PI4KA: variants seen among roughly 807,000 people sequenced by gnomAD.
PI4KA encodes the protein PI4-kinase alpha.
PI4KA carries 122 observed loss-of-function variants against 271.4 expected under a neutral mutation model. The ratio of observed to expected loss-of-function variants is 0.45; its 90% CI spans 0.39 to 0.52. The LOEUF (loss-of-function observed/expected upper bound fraction) is 0.52. Ranked by LOEUF, PI4KA falls within the 20% of genes least tolerant of loss-of-function variation. The probability of loss-of-function intolerance (pLI) is 0.00; values close to 1 mark genes in which losing one functional copy is unlikely to be tolerated. For synonymous variants in PI4KA, 1,041 were observed against 1,078.8 expected, an observed-to-expected ratio of 0.96 and a Z score of 0.69; for missense variants, 1,969 against 2,769.1, an observed-to-expected ratio of 0.71 and a Z score of 6.48.
chr22:20,740,583 T>C (rs1929312793), intron 32 of PI4KA, among the ~76,000 whole-genome samples: 1 of 151,914 alleles, frequency 6.6e-6, no homozygotes, highest in Non-Finnish European at 1.5e-5. Context: ...ACAATGAAAT[T>C]CACACACAGT....
intron 3 of PI4KA, among the ~76,000 whole-genome samples, chr22:20,824,742 A>G (rs1339150696): frequency 7.5e-6 from 1 of 132,830 alleles, no homozygotes; most frequent in Non-Finnish European, 1.7e-5. Context: ...TCACACACAC[A>G]CACACACACA....
At chr22:20,735,577 C>G (rs949617074) in intron 32 of PI4KA, among the ~76,000 whole-genome samples, 4 of 151,470 alleles carry the variant, frequency 2.6e-5, no homozygotes, top group Non-Finnish European at 5.9e-5. Flanking sequence ...GGAACACATG[C>G]CAGGGTGAGC....
At chr22:20,809,220 G>C (rs1282918518) in intron 9 of PI4KA, among the ~76,000 whole-genome samples, 1 of 152,144 alleles carries the variant, frequency 6.6e-6, no homozygotes, top group Non-Finnish European at 1.5e-5. Flanking sequence ...CAAGCCCACA[G>C]CCCAGCTCCA....
intron 27 of PI4KA, among the ~76,000 whole-genome samples, chr22:20,750,496 C>A (rs1930556933): frequency 6.6e-6 from 1 of 152,218 alleles, no homozygotes; most frequent in Non-Finnish European, 1.5e-5. Flanking sequence ...TAAGTTTGAA[C>A]CTCAAGGCCC....
intron 3 of PI4KA, among the ~76,000 whole-genome samples, chr22:20,830,158 G>A (rs749709879): frequency 6.6e-6 from 1 of 152,146 alleles, no homozygotes; most frequent in Non-Finnish European, 1.5e-5. Context: ...GGTCCATTTG[G>A]TCAAGTGTCG....
At position 20,813,701 on chromosome 22, in the gene PI4KA, T is replaced by C. The variant is rs114025670; in HGVS notation, c.857-195A>G. Among the ~76,000 whole-genome samples the C allele has an allele frequency of 2.2e-3, 332 of 152,340 alleles. 1 individual carries two copies. The highest frequency in any genetic ancestry group is 7.9e-3 in the African/African-American group (330 of 41,590). On this transcript the variant is annotated intron_variant, in intron 7 of 54. Transcript: ENST00000255882. ...GGACTGATGCCCCTCACCTGTGTCT[T>C]TCAGGTCAAAGACTCAGATATGATG...
Position 20,804,962 on chromosome 22 carries a change from AGTCT to A in PI4KA, c.1360+8_1360+11del. On this transcript the variant is annotated splice_region_variant and intron_variant, in intron 11 of 54. Transcript: ENST00000255882. Reference sequence around the variant, plus strand: ...CTGGAGCTCACATGAGAGGCAAGGCAGTCTGTCTCACCCTGCTCGTCCTTCACAG... The same window carrying A: ...CTGGAGCTCACATGAGAGGCAAGGCAGTCTCACCCTGCTCGTCCTTCACAG... 1 of 1,598,846 alleles carries A rather than the reference AGTCT, an allele frequency of 6.3e-7. No homozygotes were observed. The highest frequency in any genetic ancestry group is 8.5e-7 in the Non-Finnish European group (1 of 1,169,948).
chr22:20,722,875 A>G (rs1056192400), intron 42 of PI4KA, among the ~76,000 whole-genome samples: 1 of 152,178 alleles, frequency 6.6e-6, no homozygotes, highest in Admixed American at 6.5e-5. Flanking sequence ...CAAACTATGA[A>G]TGTTCAATGT....
At chr22:20,729,275 G>T (rs775244619) in intron 39 of PI4KA, 38 bp downstream of exon 39, 2 of 1,583,704 alleles carry the variant, frequency 1.3e-6, no homozygotes, top group Admixed American at 3.4e-5. Context: ...TGGACCTCTG[G>T]TGAGGCCTGT....
intron 47 of PI4KA, 135 bp downstream of exon 47, chr22:20,714,323 C>G: frequency 1.3e-6 from 2 of 1,492,438 alleles, no homozygotes; most frequent in Non-Finnish European, 1.8e-6. Flanking sequence ...AGGGATCTGA[C>G]TGAGTGAGGG....
At chr22:20,730,486 G>C (rs1927897170) in intron 36 of PI4KA, among the ~76,000 whole-genome samples, 1 of 151,980 alleles carries the variant, frequency 6.6e-6, no homozygotes, top group Non-Finnish European at 1.5e-5. Context: ...CGTTGGCCAG[G>C]CTGGTCTCAA....
At chr22:20,774,487 G>A (rs1408239986) in intron 19 of PI4KA, among the ~76,000 whole-genome samples, 2 of 152,262 alleles carry the variant, frequency 1.3e-5, no homozygotes, top group Non-Finnish European at 2.9e-5. Context: ...GAGGGGCCGG[G>A]TGCAGTGGCT....
chr22:20,819,594 T>C (rs1569070368), intron 6 of PI4KA, 47 bp downstream of exon 6: 1 of 1,563,246 alleles, frequency 6.4e-7, no homozygotes, highest in Non-Finnish European at 8.7e-7. Context: ...CAGGGGAGCT[T>C]AACAGGGTCT....
intron 1 of PI4KA, among the ~76,000 whole-genome samples, chr22:20,852,460 G>A (rs1406070964): frequency 6.6e-6 from 1 of 152,184 alleles, no homozygotes; most frequent in South Asian, 2.1e-4. Flanking sequence ...GAATGAGGAG[G>A]AAATATATCT....
In PI4KA at chr22:20,835,377, G is replaced by C. The variant is rs78241329; in HGVS notation, c.274-722C>G. ...GAGAAGAAGTGTGCTCTAGAGAAGA[G>C]GAGTACTATTTGATGTTTTGAAATG... On this transcript the variant is annotated intron_variant, in intron 2 of 54. Coordinates refer to ENST00000255882, the MANE Select transcript of PI4KA (RefSeq NM_058004.4). Among the ~76,000 whole-genome samples, 49 of 152,306 alleles carry C rather than the reference G, an allele frequency of 3.2e-4. 1 individual carries two copies. In the East Asian group the frequency reaches 7.5e-3, roughly 23 times the overall value.
Position 20,858,733 on chromosome 22 carries a change from C to T in PI4KA, c.-8G>A, listed in dbSNP as rs1262468907. On this transcript the variant is annotated 5_prime_UTR_variant, in exon 1 of 55. The change creates a new upstream start codon in the 5' untranslated region. Coordinates refer to ENST00000255882, the MANE Select transcript of PI4KA (RefSeq NM_058004.4). ...GGCCGGGGCCGCCGCCATCACCTCACGAGCCGCGGCGCTGCCCGCCGGCTC... is the reference window on the plus strand; with the variant it reads ...GGCCGGGGCCGCCGCCATCACCTCATGAGCCGCGGCGCTGCCCGCCGGCTC... The T allele has an allele frequency of 9.4e-6, 13 of 1,388,256 alleles. No individual in the cohort carries two copies. The highest frequency in any genetic ancestry group is 6.5e-5 in the East Asian group (2 of 30,930). 86.0% of individuals were successfully genotyped at this position (1,388,256 alleles called of 1,614,324 possible). A position where few individuals can be genotyped will look rare whatever the true frequency, so the allele number is the denominator to read the frequency against.
At chr22:20,784,149 T>C (rs1934019006) in intron 19 of PI4KA, 1 of 1,614,018 alleles carries the variant, frequency 6.2e-7, no homozygotes, top group South Asian at 1.1e-5. Flanking sequence ...ATCAGCATGC[T>C]AATTGTGGTC....
chr22:20,725,617 G>A (rs1469267908), intron 42 of PI4KA: 2 of 435,294 alleles, frequency 4.6e-6, no homozygotes, highest in African/African-American at 4.1e-5. Context: ...CCAGGGAGAT[G>A]GGCACAGTGG....
At chr22:20,765,285 C>A (rs368529494) in intron 20 of PI4KA, 49 bp from the exon 21 acceptor site, 3 of 1,547,096 alleles carry the variant, frequency 1.9e-6, no homozygotes, top group South Asian at 1.2e-5. Flanking sequence ...TCGGAAAGCA[C>A]TGCAGTGAGG....
Sources: allele counts gnomAD v4.1 joint callset (sites outside exome capture counted in the v4.1 genomes callset), GRCh38; gene constraint gnomAD v4.1.1; transcripts MANE v1.5; gene names NCBI Gene and HGNC (gene_info 2026-07-23, HGNC 2026-07-21).